RBPMS2: variants seen among roughly 807,000 people sequenced by gnomAD.
RBPMS2 encodes the protein RNA-binding protein with multiple splicing 2.
In RBPMS2, 14 loss-of-function variants were observed where a neutral mutation model predicts 25.7. The ratio of observed to expected loss-of-function variants is 0.55; its 90% CI spans 0.36 to 0.85. RBPMS2 has a LOEUF of 0.85. Ranked by LOEUF, RBPMS2 falls within the 40% of genes least tolerant of loss-of-function variation. The probability of loss-of-function intolerance (pLI) is 0.01; values close to 1 mark genes in which losing one functional copy is unlikely to be tolerated. For synonymous variants in RBPMS2, 127 were observed against 115.6 expected (o/e 1.10, Z -0.63); for missense variants, 252 against 283.4 (o/e 0.89, Z 0.80).
intron 1 of RBPMS2, among the ~76,000 whole-genome samples, chr15:64,771,970 A>G (rs1221535830): frequency 6.6e-6 from 1 of 152,206 alleles, no homozygotes; most frequent in East Asian, 1.9e-4. Context: ...AAACAAATAA[A>G]AAAATAACCT....
intron 1 of RBPMS2, among the ~76,000 whole-genome samples, chr15:64,765,203 G>A (rs1447487631): frequency 1.7e-5 from 2 of 117,996 alleles, no homozygotes; most frequent in African/African-American, 3.2e-5. Flanking sequence ...CTCCAGCCTA[G>A]GCGACAGAGC....
intron 1 of RBPMS2, among the ~76,000 whole-genome samples, chr15:64,763,390 C>A (rs915522483): frequency 2.6e-5 from 4 of 152,104 alleles, no homozygotes; most frequent in Non-Finnish European, 5.9e-5. Flanking sequence ...GCCCAGATCC[C>A]CTTGCAAGAA....
chr15:64,765,470 T>C (rs2141075140), intron 1 of RBPMS2, among the ~76,000 whole-genome samples: 1 of 148,360 alleles, frequency 6.7e-6, no homozygotes, highest in African/African-American at 2.5e-5. Flanking sequence ...TCTCAGCTAC[T>C]CAGGAGGCTG....
intron 1 of RBPMS2, among the ~76,000 whole-genome samples, chr15:64,769,631 G>A (rs2083877858): frequency 6.6e-6 from 1 of 151,994 alleles, no homozygotes; most frequent in Non-Finnish European, 1.5e-5. Context: ...CTGCACTTCA[G>A]CCTGGGCGAC....
At chr15:64,774,732 A>AGCCGGCCGGCCGGCTG (rs146916271) in intron 1 of RBPMS2, among the ~76,000 whole-genome samples, 2 of 147,068 alleles carry the variant, frequency 1.4e-5, no homozygotes, top group Non-Finnish European at 3.0e-5. Flanking sequence ...GGAACCGAGG[A>AGCCGGCCGGCCGGCTG]GCCGGCCGGC....
intron 6 of RBPMS2, among the ~76,000 whole-genome samples, chr15:64,747,672 C>A (rs2083631072): frequency 6.6e-6 from 1 of 152,200 alleles, no homozygotes; most frequent in Non-Finnish European, 1.5e-5. Context: ...GTGACCTGCA[C>A]TTGTGGCCAA....
intron 1 of RBPMS2, among the ~76,000 whole-genome samples, chr15:64,764,997 C>T (rs1168706243): frequency 4.6e-5 from 7 of 150,768 alleles, no homozygotes; most frequent in Non-Finnish European, 1.0e-4. Flanking sequence ...GAGGCAGAGG[C>T]GGGCGGATCA....
At chr15:64,757,005 G>A (rs1271356308) in intron 1 of RBPMS2, among the ~76,000 whole-genome samples, 1 of 132,218 alleles carries the variant, frequency 7.6e-6, no homozygotes, top group Non-Finnish European at 1.6e-5. Flanking sequence ...TGGAGTCTCG[G>A]TCTGTCTCCC....
At chr15:64,754,936 C>G (rs2083718933) in intron 1 of RBPMS2, among the ~76,000 whole-genome samples, 1 of 152,152 alleles carries the variant, frequency 6.6e-6, no homozygotes, top group African/African-American at 2.4e-5. Flanking sequence ...CCCTTCCTCC[C>G]CAGGAAAGCA....
intron 1 of RBPMS2, among the ~76,000 whole-genome samples, chr15:64,759,681 T>C (rs763683005): frequency 2.0e-5 from 3 of 152,064 alleles, no homozygotes; most frequent in Non-Finnish European, 4.4e-5. Context: ...TTAATTATTT[T>C]TTAATTTTTT....
chr15:64,775,433 G>C lies in RBPMS2; in HGVS notation c.-114C>G. On this transcript the variant is annotated 5_prime_UTR_variant, in exon 1 of 8. Transcript: ENST00000300069. The stretch of plus-strand genomic sequence containing the variant: ...CGCTCGCGGGTGCGGAGCGGGTGGC[G>C]GGGGACCCACGGGGCAGTGAGAGGG... The C allele has an allele frequency of 2.3e-6, 1 of 437,476 alleles. No individual in the cohort carries two copies. Among genetic ancestry groups the C allele is most frequent in the Non-Finnish European group, 3.7e-6 (1 of 273,182 alleles). 27.1% of individuals were successfully genotyped at this position (437,476 alleles called of 1,614,324 possible). A position where few individuals can be genotyped will look rare whatever the true frequency, so the allele number is the denominator to read the frequency against.
At chr15:64,745,136 A>G (rs1190522195) in intron 6 of RBPMS2, among the ~76,000 whole-genome samples, 1 of 152,120 alleles carries the variant, frequency 6.6e-6, no homozygotes, top group Non-Finnish European at 1.5e-5. Context: ...TTTTTAAAAG[A>G]TTAAATATGT....
chr15:64,771,194 G>A (rs1567072193), intron 1 of RBPMS2, among the ~76,000 whole-genome samples: 2 of 152,182 alleles, frequency 1.3e-5, no homozygotes, highest in Non-Finnish European at 2.9e-5. Flanking sequence ...AACTCTTCAA[G>A]TTGTATACAC....
intron 6 of RBPMS2, among the ~76,000 whole-genome samples, chr15:64,742,863 C>G (rs1321757647): frequency 6.6e-6 from 1 of 152,206 alleles, no homozygotes; most frequent in Non-Finnish European, 1.5e-5. Flanking sequence ...GCCAGGCCGT[C>G]TGGGGGCTGA....
intron 2 of RBPMS2, among the ~76,000 whole-genome samples, 178 bp downstream of exon 2, chr15:64,751,383 C>A (rs1451127537): frequency 6.6e-6 from 1 of 151,318 alleles, no homozygotes; most frequent in African/African-American, 2.4e-5. Flanking sequence ...GGCGAGGAAA[C>A]AGAGGCTCAG....
intron 2 of RBPMS2, among the ~76,000 whole-genome samples, chr15:64,751,327 G>A (rs1323138094): frequency 3.0e-5 from 3 of 100,150 alleles, no homozygotes; most frequent in East Asian, 7.1e-4. Flanking sequence ...AGCAAGACTC[G>A]TCTCGAGGAA....
intron 6 of RBPMS2, among the ~76,000 whole-genome samples, chr15:64,746,850 C>T (rs1299970661): frequency 6.6e-6 from 1 of 152,160 alleles, no homozygotes; most frequent in African/African-American, 2.4e-5. Flanking sequence ...CCAATTGGTG[C>T]CAAAGCTGGG....
At chr15:64,754,329 AG>A (rs2083711859) in intron 1 of RBPMS2, among the ~76,000 whole-genome samples, 1 of 151,164 alleles carries the variant, frequency 6.6e-6, no homozygotes, top group African/African-American at 2.4e-5. Flanking sequence ...AAGAAAAAAA[AG>A]GCTGGGCGTG....
Position 64,743,643 on chromosome 15 carries a change from G to T in RBPMS2, c.568-2401C>A, listed in dbSNP as rs2083585403. Among the ~76,000 whole-genome samples, 4 of 32,856 alleles carry T rather than the reference G, an allele frequency of 1.2e-4. 1 individual carries two copies. The highest frequency in any genetic ancestry group is 9.8e-5 in the African/African-American group (2 of 20,502). The allele number at this position is 32,856 out of a possible 152,430, so 21.6% of individuals were successfully genotyped here. A position where few individuals can be genotyped will look rare whatever the true frequency, so the allele number is the denominator to read the frequency against. On this transcript the variant is annotated intron_variant, in intron 6 of 7. Coordinates refer to ENST00000300069, the MANE Select transcript of RBPMS2 (RefSeq NM_194272.3). ...TTCAGGGCCTCCAGTTGTGCCCAGG[G>T]GGGGGGGGGCTCCTGAGAGTACCCC...
Sources: allele counts gnomAD v4.1 joint callset (sites outside exome capture counted in the v4.1 genomes callset), GRCh38; gene constraint gnomAD v4.1.1; transcripts MANE v1.5; gene names NCBI Gene and HGNC (gene_info 2026-07-23, HGNC 2026-07-21).